CMYA5: variants seen among roughly 807,000 people sequenced by gnomAD.
The protein encoded by CMYA5 is cardiomyopathy associated 5, also known as cardiomyopathy-associated protein 5.
Under a neutral mutation model 318.9 loss-of-function variants are expected in CMYA5, and 246 were observed. The ratio of observed to expected loss-of-function variants is 0.77; its 90% CI spans 0.70 to 0.86. The LOEUF (loss-of-function observed/expected upper bound fraction) is 0.86, where lower values mean the gene tolerates loss of function less well. Ranked by LOEUF, CMYA5 falls within the 40% of genes least tolerant of loss-of-function variation. The probability of loss-of-function intolerance (pLI) is 0.00; values close to 1 mark genes in which losing one functional copy is unlikely to be tolerated. For missense variants in CMYA5, 4,589 were observed against 4,678.2 expected, an observed-to-expected ratio of 0.98 and a Z score of 0.56; for synonymous variants, 1,641 against 1,729.5, an observed-to-expected ratio of 0.95 and a Z score of 1.27.
chr5:79,793,172 A>G (rs2287673), intron 11 of CMYA5, among the ~76,000 whole-genome samples: 15,363 of 152,242 alleles, frequency 0.1, 814 homozygotes, highest in African/African-American at 0.13. Context: ...CCTGATTCCC[A>G]GCTCTTTTAA....
intron 2 of CMYA5, among the ~76,000 whole-genome samples, chr5:79,740,784 C>T (rs1373653010): frequency 6.6e-6 from 1 of 152,188 alleles, no homozygotes; most frequent in East Asian, 1.9e-4. Flanking sequence ...AATCCATTCT[C>T]CATAGGGCAG....
In CMYA5 at chr5:79,738,561, C is replaced by T. The variant is rs747719183; in HGVS notation, c.9796C>T (p.Arg3266Ter). 1.2e-6 allele frequency: 2 copies of T among 1,613,468 alleles called. No homozygotes were observed. Among genetic ancestry groups the T allele is most frequent in the Non-Finnish European group, 8.5e-7 (1 of 1,179,856 alleles). Residue 3266 changes from arginine (R) to a stop codon, truncating the protein, a stop_gained, in exon 2 of 13, where the codon CGA becomes TGA. Transcript: ENST00000446378. LOFTEE classifies it high-confidence loss of function. The stretch of plus-strand genomic sequence containing the variant: ...CCAGGGCCAAGGTCTGGAAGAAAAA[C>T]GAGTTGGTAAGGATGATTCATACCA... ...KDQGQGLEEKRVGKDDSYQPI... is the reference protein window; with the variant it reads ...KDQGQGLEEK
chr5:79,718,257 TATTAA>T (rs926261791), intron 1 of CMYA5, among the ~76,000 whole-genome samples: 3 of 152,230 alleles, frequency 2.0e-5, no homozygotes, highest in African/African-American at 4.8e-5. Flanking sequence ...AACACATTAA[TATTAA>T]ATTAATTCTT....
At chr5:79,726,498 G>A (rs1827750659) in intron 1 of CMYA5, among the ~76,000 whole-genome samples, 1 of 152,222 alleles carries the variant, frequency 6.6e-6, no homozygotes, top group African/African-American at 2.4e-5. Flanking sequence ...ATTAAGTTCA[G>A]CAGTTTAATA....
rs202038690 is a variant in CMYA5 at position 79,735,257 on chromosome 5, G to A, written c.6492G>A (p.Pro2164=). 717 of 1,613,806 alleles carry A rather than the reference G, an allele frequency of 4.4e-4. 4 individuals carry two copies. The Admixed American group carries it at 7.7e-3, about 17-fold the overall frequency. Residue 2164 remains proline, a synonymous_variant, in exon 2 of 13, where the codon CCG becomes CCA. Coordinates refer to ENST00000446378, the MANE Select transcript of CMYA5 (RefSeq NM_153610.5). ...NPPTQPKVAK[P]DLPEEKGKKG... is the part of the protein sequence containing the mutation. ...CTACACAACCAAAGGTGGCTAAGCC[G>A]GACCTTCCTGAGGAAAAGGGAAAGA...
At chr5:79,771,972 G>T (rs1386115355) in intron 9 of CMYA5, among the ~76,000 whole-genome samples, 8 of 151,804 alleles carry the variant, frequency 5.3e-5, no homozygotes, top group Non-Finnish European at 8.8e-5. Flanking sequence ...ATCCCCTCTC[G>T]TTAATATTTT....
At chr5:79,773,820 T>A (rs948091684) in intron 9 of CMYA5, among the ~76,000 whole-genome samples, 2 of 152,108 alleles carry the variant, frequency 1.3e-5, no homozygotes, top group Admixed American at 1.3e-4. Flanking sequence ...GCTAAATGAG[T>A]TCACATTTCT....
Position 79,730,402 on chromosome 5 carries a change from C to A in CMYA5, c.1637C>A (p.Pro546His), listed in dbSNP as rs755863929. Residue 546 changes from proline to histidine, a missense_variant, in exon 2 of 13, where the codon CCC (proline) becomes CAC (histidine). By Grantham distance (77) the Pro-to-His change is moderately conservative. Coordinates refer to ENST00000446378, the MANE Select transcript of CMYA5 (RefSeq NM_153610.5). ...YPESPLVSEK[P>H]FPPHMSPEVE... is the part of the protein sequence containing the mutation. The stretch of plus-strand genomic sequence containing the variant: ...GAAAGCCCATTGGTTTCCGAGAAGC[C>A]CTTCCCACCACATATGTCCCCTGAA... The A allele has an allele frequency of 6.2e-7, 1 of 1,613,846 alleles. No individual in the cohort carries two copies. The highest frequency in any genetic ancestry group is 2.2e-5 in the East Asian group (1 of 44,876).
At chr5:79,790,938 A>C (rs780319100) in intron 10 of CMYA5, 32 bp from the exon 11 acceptor site, 1 of 1,467,776 alleles carries the variant, frequency 6.8e-7, no homozygotes, top group South Asian at 1.2e-5. Flanking sequence ...CCTTGTGGCA[A>C]TGTTTTAATA....
chr5:79,697,603 A>G (rs77609800), intron 1 of CMYA5, among the ~76,000 whole-genome samples: 5,128 of 152,252 alleles, frequency 0.034, 278 homozygotes, highest in African/African-American at 0.12. Flanking sequence ...TTTCATTCCC[A>G]TATTGAGTAA....
At chr5:79,791,131 C>A (rs1052989997) in intron 11 of CMYA5, 62 bp downstream of exon 11, 1 of 1,188,794 alleles carries the variant, frequency 8.4e-7, no homozygotes, top group East Asian at 2.4e-5. Flanking sequence ...TAGGGTGTGT[C>A]GCCTCAGGGT....
intron 1 of CMYA5, among the ~76,000 whole-genome samples, chr5:79,702,918 C>G (rs978055089): frequency 2.6e-5 from 4 of 152,192 alleles, no homozygotes; most frequent in Non-Finnish European, 5.9e-5. Flanking sequence ...CCAGAGAGAA[C>G]AAGGAGCTGC....
At position 79,776,668 on chromosome 5, in the gene CMYA5, G is replaced by A. The variant is rs200117560; in HGVS notation, c.11556-12303G>A. 4.6e-5 allele frequency among the ~76,000 whole-genome samples: 7 copies of A among 152,240 alleles called. No individual in the cohort carries two copies. The East Asian group carries it at 1.4e-3, about 29-fold the overall frequency. On this transcript the variant is annotated intron_variant, in intron 9 of 12. Coordinates refer to ENST00000446378, the MANE Select transcript of CMYA5 (RefSeq NM_153610.5). ...CTTGGGGAACACTGCCTTACCAGCT[G>A]GTCCTTCAGGGCCCAGCCATGTACT...
intron 1 of CMYA5, among the ~76,000 whole-genome samples, chr5:79,705,271 C>CAAAT (rs1176936403): frequency 3.3e-5 from 5 of 152,040 alleles, no homozygotes; most frequent in Middle Eastern, 3.2e-3. Flanking sequence ...GACTTGGTCT[C>CAAAT]AAATAAATAA....
chr5:79,731,773 C>T lies in CMYA5; in HGVS notation c.3008C>T (p.Ala1003Val), dbSNP rs1384232353. ...GCGGAACTGTTCTCTCCAGACTCAG[C>T]ATCACAAGTTTCAATCCCTCCCTTT... Reference protein sequence around the residue: ...EEAELFSPDSASQVSIPPFRI... With the variant: ...EEAELFSPDSVSQVSIPPFRI... Residue 1003 changes from alanine (A) to valine (V), a missense_variant, in exon 2 of 13, where the codon GCA becomes GTA. Physicochemically the swap from Ala to Val is moderately conservative, Grantham distance 64. This residue lies in a region of CMYA5 where 2,132 missense variants were observed against 2,131.3 expected (regional missense o/e 1.00). Transcript: ENST00000446378. 1 of 1,613,128 alleles carries T rather than the reference C, an allele frequency of 6.2e-7. No homozygotes were observed. The highest frequency in any genetic ancestry group is 1.1e-5 in the South Asian group (1 of 90,850).
At chr5:79,715,293 AT>A (rs11375343) in intron 1 of CMYA5, among the ~76,000 whole-genome samples, 1 of 149,452 alleles carries the variant, frequency 6.7e-6, no homozygotes, top group Non-Finnish European at 1.5e-5. Flanking sequence ...AATAATAATA[AT>A]TTTTTTTTTC....
chr5:79,785,180 C>G (rs1241675915), intron 9 of CMYA5, among the ~76,000 whole-genome samples: 1 of 151,886 alleles, frequency 6.6e-6, no homozygotes, highest in Non-Finnish European at 1.5e-5. Context: ...CTATTTATGC[C>G]CCAGGACCAT....
chr5:79,708,343 C>T (rs1032257857), intron 1 of CMYA5, among the ~76,000 whole-genome samples: 51 of 152,102 alleles, frequency 3.4e-4, no homozygotes, highest in Admixed American at 3.0e-3. Context: ...AACATTTGGC[C>T]GGGCATGGTG....
chr5:79,787,539 C>T (rs554125168), intron 9 of CMYA5, among the ~76,000 whole-genome samples: 18 of 152,282 alleles, frequency 1.2e-4, no homozygotes, highest in Admixed American at 7.8e-4. Context: ...TGTCAGTGGA[C>T]GTGGGACTCA....
Sources: allele counts gnomAD v4.1 joint callset (sites outside exome capture counted in the v4.1 genomes callset), GRCh38; gene constraint gnomAD v4.1.1; regional missense constraint gnomAD v4.1.1; transcripts MANE v1.5; gene names NCBI Gene and HGNC (gene_info 2026-07-23, HGNC 2026-07-21).